The following PLPPR1 variants were observed in gnomAD, a reference collection of about 807,000 sequenced individuals.
PLPPR1 encodes the protein phospholipid phosphatase related 1.
In PLPPR1, 10 loss-of-function variants were observed where a neutral mutation model predicts 33.1. The observed-to-expected ratio is 0.30, with a 90% CI of 0.19 to 0.51. The LOEUF (loss-of-function observed/expected upper bound fraction) is 0.51. Among genes scored for constraint, PLPPR1 ranks in the 20% least tolerant of loss-of-function variants. The pLI, the probability that PLPPR1 is intolerant of heterozygous loss-of-function variation, is 0.97. For missense variants in PLPPR1, 304 were observed against 408.1 expected (o/e 0.74, Z 2.20); for synonymous variants, 151 against 151.0 (o/e 1.00, Z 0.00).
intron 1 of PLPPR1, among the ~76,000 whole-genome samples, chr9:101,172,574 C>A (rs749360630): frequency 6.6e-6 from 1 of 152,076 alleles, no homozygotes; most frequent in Non-Finnish European, 1.5e-5. Context: ...TTCTCTTAGA[C>A]GGTTTCTCTC....
intron 2 of PLPPR1, among the ~76,000 whole-genome samples, chr9:101,214,570 T>G (rs1826751416): frequency 6.6e-6 from 1 of 152,248 alleles, no homozygotes; most frequent in Non-Finnish European, 1.5e-5. Flanking sequence ...TGATAAATAT[T>G]CTAAAGAACA....
At chr9:101,252,869 TTA>T (rs1003517147) in intron 2 of PLPPR1, among the ~76,000 whole-genome samples, 3 of 152,094 alleles carry the variant, frequency 2.0e-5, no homozygotes, top group African/African-American at 7.2e-5. Flanking sequence ...GATGTTCGTT[TTA>T]TGTTTTCATT....
chr9:101,153,120 T>G (rs1831616997), intron 1 of PLPPR1, among the ~76,000 whole-genome samples: 1 of 152,208 alleles, frequency 6.6e-6, no homozygotes, highest in East Asian at 1.9e-4. Context: ...TTCACATCCC[T>G]TGTAAGTTGG....
chr9:101,181,199 A>G (rs892186691), intron 1 of PLPPR1, among the ~76,000 whole-genome samples: 3 of 147,564 alleles, frequency 2.0e-5, no homozygotes, highest in African/African-American at 7.4e-5. Flanking sequence ...TATATATATT[A>G]TATGTATATA....
chr9:101,265,115 T>G (rs1002307458), intron 2 of PLPPR1, among the ~76,000 whole-genome samples: 1 of 152,216 alleles, frequency 6.6e-6, no homozygotes, highest in African/African-American at 2.4e-5. Context: ...TTCACAATTA[T>G]TGCTCTTCTT....
chr9:101,252,824 T>TA (rs1564017221), intron 2 of PLPPR1, among the ~76,000 whole-genome samples: 2 of 152,024 alleles, frequency 1.3e-5, no homozygotes, highest in Non-Finnish European at 1.5e-5. Context: ...GTTTTTTTTT[T>TA]AATTGATTTG....
chr9:101,108,235 A>G (rs1312171092), intron 1 of PLPPR1, among the ~76,000 whole-genome samples: 5 of 152,218 alleles, frequency 3.3e-5, no homozygotes, highest in African/African-American at 1.2e-4. Context: ...AATAATAATA[A>G]TAATCATGTT....
chr9:101,307,076 C>A (rs1286834574), intron 4 of PLPPR1, among the ~76,000 whole-genome samples: 1 of 152,190 alleles, frequency 6.6e-6, no homozygotes, highest in Non-Finnish European at 1.5e-5. Flanking sequence ...GGATCAAATG[C>A]ACCAGAATGA....
At chr9:101,136,451 A>C (rs1831377840) in intron 1 of PLPPR1, among the ~76,000 whole-genome samples, 1 of 152,204 alleles carries the variant, frequency 6.6e-6, no homozygotes, top group South Asian at 2.1e-4. Flanking sequence ...GCCATTTAAC[A>C]CATGGTTTGT....
intron 1 of PLPPR1, among the ~76,000 whole-genome samples, chr9:101,040,374 C>A (rs1447569065): frequency 6.6e-6 from 1 of 152,048 alleles, no homozygotes; most frequent in Non-Finnish European, 1.5e-5. Flanking sequence ...TCTCTTTTTT[C>A]ATACTATGTC....
chr9:101,080,490 G>A (rs559506656), intron 1 of PLPPR1, among the ~76,000 whole-genome samples: 1 of 151,988 alleles, frequency 6.6e-6, no homozygotes, highest in African/African-American at 2.4e-5. Flanking sequence ...ATTGCAGCCT[G>A]GGCAACAGAG....
intron 3 of PLPPR1, 39 bp downstream of exon 3, chr9:101,270,107 A>T (rs759942259): frequency 6.9e-6 from 11 of 1,594,522 alleles, no homozygotes; most frequent in Non-Finnish European, 9.5e-6. Context: ...ATTGTCAGAT[A>T]CCCAAGAATA....
chr9:101,177,095 G>A (rs770578186), intron 1 of PLPPR1, among the ~76,000 whole-genome samples: 8 of 152,116 alleles, frequency 5.3e-5, no homozygotes, highest in Non-Finnish European at 7.4e-5. Flanking sequence ...TTGCTTTGGC[G>A]ATTTGGGTCC....
chr9:101,267,935 T>G (rs927594291), intron 2 of PLPPR1, among the ~76,000 whole-genome samples: 3 of 152,166 alleles, frequency 2.0e-5, no homozygotes, highest in Non-Finnish European at 4.4e-5. Context: ...TAAAAAATGA[T>G]GAGTTCATGT....
Position 101,317,541 on chromosome 9 carries a change from C to T in PLPPR1, c.945+45C>T, listed in dbSNP as rs1829080647. On this transcript the variant is annotated intron_variant, in intron 7 of 7. Coordinates refer to ENST00000374874, the MANE Select transcript of PLPPR1 (RefSeq NM_207299.2). ...GCAAACCAAACCCACAGGCTGAACA[C>T]TTTGGGAGGTCAGTATCAATCCATG... The T allele has an allele frequency of 6.3e-6, 10 of 1,583,220 alleles. No individual in the cohort carries two copies. In the East Asian group the frequency reaches 2.2e-4, roughly 35 times the overall value.
In PLPPR1 at chr9:101,295,405, T is replaced by C. The variant is rs1325181165; in HGVS notation, c.385+9169T>C. On this transcript the variant is annotated intron_variant, in intron 4 of 7. Transcript: ENST00000374874. ...GGTAATTTATAGATTCAATGCCATC[T>C]CCATCAAGCTACCAATGACTTTCTT... 1.1e-4 allele frequency among the ~76,000 whole-genome samples: 17 copies of C among 151,812 alleles called. 1 individual carries two copies. The highest frequency in any genetic ancestry group is 3.4e-3 in the Middle Eastern group (1 of 294).
At position 101,291,302 on chromosome 9, in the gene PLPPR1, G is replaced by C. The variant is rs577835480; in HGVS notation, c.385+5066G>C. Among the ~76,000 whole-genome samples the C allele has an allele frequency of 3.3e-5, 5 of 152,328 alleles. No homozygotes were observed. In the East Asian group the frequency reaches 9.7e-4, roughly 29 times the overall value. On this transcript the variant is annotated intron_variant, in intron 4 of 7. Transcript: ENST00000374874. Reference sequence around the variant, plus strand: ...GCAGCCGGGAAGCTCGAACTGGGTGGAGCCCACCACAGCTCACAGAGGCCT... The same window carrying C: ...GCAGCCGGGAAGCTCGAACTGGGTGCAGCCCACCACAGCTCACAGAGGCCT...
chr9:101,318,631 C>T (rs1287049008), intron 7 of PLPPR1, among the ~76,000 whole-genome samples: 5 of 151,906 alleles, frequency 3.3e-5, no homozygotes, highest in Non-Finnish European at 5.9e-5. Flanking sequence ...AAAATTAGCC[C>T]GGCATGGTAG....
intron 2 of PLPPR1, among the ~76,000 whole-genome samples, chr9:101,222,632 T>C (rs940164848): frequency 9.2e-5 from 14 of 152,190 alleles, no homozygotes; most frequent in African/African-American, 3.4e-4. Flanking sequence ...CATATCTGCC[T>C]CTGAAATGTC....
Sources: gnomAD v4.1 joint callset for allele counts (sites outside exome capture counted in the v4.1 genomes callset) on GRCh38, gnomAD v4.1.1 for gene constraint, MANE v1.5 for transcripts, NCBI Gene and HGNC (gene_info 2026-07-23, HGNC 2026-07-21) for gene names.